The following RTBDN variants were observed in gnomAD, a reference collection of about 807,000 sequenced individuals.
RTBDN encodes the protein retbindin.
RTBDN carries 24 observed loss-of-function variants against 21.9 expected under a neutral mutation model. The observed-to-expected ratio is 1.10, with a 90% confidence interval of 0.79 to 1.54. The LOEUF (loss-of-function observed/expected upper bound fraction) is 1.54. RTBDN is among the 40% of genes most tolerant of loss of function. The pLI is 0.00. For synonymous variants in RTBDN, 141 were observed against 125.9 expected (o/e 1.12, Z -0.80); for missense variants, 325 against 315.2 (o/e 1.03, Z -0.23).
intron 2 of RTBDN, chr19:12,829,159 G>A: frequency 3.7e-6 from 3 of 810,774 alleles, no homozygotes; most frequent in Non-Finnish European, 5.6e-6. Flanking sequence ...TACTTGTCAT[G>A]TGCCTGGTAG....
At chr19:12,834,597 G>A, upstream of RTBDN, 1 of 1,515,912 alleles carries the variant, frequency 6.6e-7, no homozygotes. The surrounding 1 kb of genome is among the most constrained non-coding windows in gnomAD (Gnocchi z 4.7). Context: ...CCCCCACCGC[G>A]ATCCTCAAGT....
chr19:12,829,788 G>A (rs1599558297), intron 2 of RTBDN, 23 bp downstream of exon 2: 1 of 1,587,460 alleles, frequency 6.3e-7, no homozygotes. Context: ...TGTTGGTGGT[G>A]AGGCAGGGTC....
chr19:12,825,943 AGTG>A lies in RTBDN; in HGVS notation c.463-13_463-11del. The stretch of plus-strand genomic sequence containing the variant: ...TCCCGTCTGCGAAGGTCTAGGAAAA[AGTG>A]GAGTTAAGGCCCTAGTGGGCGGAGT... On this transcript the variant is annotated splice_polypyrimidine_tract_variant and intron_variant, in intron 5 of 5. Coordinates refer to ENST00000674343, the MANE Select transcript of RTBDN (RefSeq NM_001270441.2). The A allele has an allele frequency of 6.4e-7, 1 of 1,565,540 alleles. No individual in the cohort carries two copies. The highest frequency in any genetic ancestry group is 8.7e-7 in the Non-Finnish European group (1 of 1,152,240).
chr19:12,835,115 T>A, upstream of RTBDN: 1 of 1,612,776 alleles, frequency 6.2e-7, no homozygotes, highest in Non-Finnish European at 8.5e-7. Flanking sequence ...ACTCCCCTAA[T>A]CCATCATTCC....
rs148144447 is a variant in RTBDN, at chr19:12,826,859, G to C, written c.378C>G (p.Cys126Trp). The change falls in exon 5 of 6, where the codon TGC becomes TGG. Residue 126 changes from cysteine (C) to tryptophan (W), a missense_variant. Cys to Trp is a radical substitution (Grantham distance 215, BLOSUM62 -2). Coordinates refer to ENST00000674343, the MANE Select transcript of RTBDN (RefSeq NM_001270441.2). ...EELCQAWFAN[C>W]EDDITCGPTW... is the part of the protein sequence containing the mutation. The stretch of plus-strand genomic sequence containing the variant: ...TCGGGCCGCAGGTGATATCATCTTC[G>C]CAGTTGGCGAACCTGGAGATGGCGA... 5 of 1,551,420 alleles carry C rather than the reference G, an allele frequency of 3.2e-6. No individual in the cohort carries two copies. The East Asian group carries it at 9.8e-5, about 30-fold the overall frequency.
Position 12,834,018 on chromosome 19 carries a change from C to T in RTBDN, c.-19+471G>A. 2.5e-6 allele frequency: 1 copy of T among 398,564 alleles called. No individual in the cohort carries two copies. The allele number at this position is 398,564 out of a possible 1,614,324, so 24.7% of individuals were successfully genotyped here. On this transcript the variant is annotated intron_variant, in intron 1 of 5. Coordinates refer to ENST00000674343, the MANE Select transcript of RTBDN (RefSeq NM_001270441.2). This position sits in a 1 kb window ranked among gnomAD's most constrained non-coding sequence, Gnocchi z 4.7. ...GCCGGAGGCTGCAGGTACGCGGCTG[C>T]CTGGGCCCCGGGTGGAGAGGAAGGG...
At position 12,826,954 on chromosome 19, in the gene RTBDN, T is replaced by C. The variant is rs570862260; in HGVS notation, c.366-83A>G. 5 of 945,626 alleles carry C rather than the reference T, an allele frequency of 5.3e-6. No homozygotes were observed. The South Asian group carries it at 7.0e-5, about 13-fold the overall frequency. 58.6% of individuals were successfully genotyped at this position (945,626 alleles called of 1,614,324 possible). A position where few individuals can be genotyped will look rare whatever the true frequency, so the allele number is the denominator to read the frequency against. On this transcript the variant is annotated intron_variant, in intron 4 of 5. Transcript: ENST00000674343. The stretch of plus-strand genomic sequence containing the variant: ...TCTGGCTCTTCTAGACTGTGTTCAC[T>C]ATATGCCCCCACCTCGGATCCAGGC...
chr19:12,828,735 G>A lies in RTBDN; in HGVS notation c.287C>T (p.Ala96Val), dbSNP rs1969425738. Residue 96 changes from alanine to valine, a missense_variant, in exon 4 of 6, where the codon GCC (alanine) becomes GTC (valine). By Grantham distance (64) the Ala-to-Val change is moderately conservative. Transcript: ENST00000674343. ...CESFLEHLQR[A>V]LRSRFRLRLL... is the part of the protein sequence containing the mutation. Reference sequence around the variant, plus strand: ...CCGCAGGCGGAAGCGACTGCGAAGGGCACGTTGGAGGTGTTCCAGGAAGGA... The same window carrying A: ...CCGCAGGCGGAAGCGACTGCGAAGGACACGTTGGAGGTGTTCCAGGAAGGA... 3 of 1,614,252 alleles carry A rather than the reference G, an allele frequency of 1.9e-6. No individual in the cohort carries two copies. Among genetic ancestry groups the A allele is most frequent in the South Asian group, 1.1e-5 (1 of 91,092 alleles).
chr19:12,835,216 AC>A, upstream of RTBDN: 1 of 957,774 alleles, frequency 1.0e-6, no homozygotes, highest in East Asian at 2.4e-5. Context: ...CGTCTGGGTA[AC>A]GCCGGAGCCA....
rs1410531265 is a variant in RTBDN, at chr19:12,827,843, C to T, written c.365+814G>A. 3.3e-5 allele frequency among the ~76,000 whole-genome samples: 5 copies of T among 152,180 alleles called. No individual in the cohort carries two copies. In the East Asian group the frequency reaches 9.7e-4, roughly 29 times the overall value. Reference sequence around the variant, plus strand: ...GCATGGTGGCTCACCCCTGTAATCCCAGCACTTCGAGAGGCCAAGGCAGGC... The same window carrying T: ...GCATGGTGGCTCACCCCTGTAATCCTAGCACTTCGAGAGGCCAAGGCAGGC... On this transcript the variant is annotated intron_variant, in intron 4 of 5. Transcript: ENST00000674343.
rs780453616 is a variant in RTBDN at position 12,829,023 on chromosome 19, G to A, written c.170-70C>T. The A allele has an allele frequency of 1.9e-6, 3 of 1,597,640 alleles. No homozygotes were observed. The African/African-American group carries it at 4.0e-5, about 21-fold the overall frequency. ...TAAGGTTTGGGAACTGAGGCCTGGG[G>A]ATCCCCTGGACAGGGGAGACAACAA... On this transcript the variant is annotated intron_variant, in intron 2 of 5. Coordinates refer to ENST00000674343, the MANE Select transcript of RTBDN (RefSeq NM_001270441.2).
intron 1 of RTBDN, chr19:12,833,975 A>T (rs1029935651): frequency 5.0e-6 from 2 of 396,554 alleles, no homozygotes; most frequent in Admixed American, 8.9e-5. Context: ...GCCATGGACG[A>T]TTCGGGCCTC....
At position 12,826,824 on chromosome 19, in the gene RTBDN, G is replaced by A. The variant is rs751164836; in HGVS notation, c.413C>T (p.Pro138Leu). ...CTCACAGCCCCTTTTTTCTGAGAGT[G>A]GGAGCCAAGTCGGGCCGCAGGTGAT... Reference protein sequence around the residue: ...DDITCGPTWLPLSEKRGCEPS... With the variant: ...DDITCGPTWLLLSEKRGCEPS... The change falls in exon 5 of 6, where the codon CCA (proline) becomes CTA (leucine). Residue 138 changes from proline (P) to leucine (L), a missense_variant. Coordinates refer to ENST00000674343, the MANE Select transcript of RTBDN (RefSeq NM_001270441.2). The A allele has an allele frequency of 1.3e-6, 2 of 1,555,452 alleles. No homozygotes were observed. Among genetic ancestry groups the A allele is most frequent in the Non-Finnish European group, 1.7e-6 (2 of 1,149,918 alleles).
At chr19:12,833,849 AGCCGCCGCCGCC>A (rs941102978) in intron 1 of RTBDN, 2 of 172,046 alleles carry the variant, frequency 1.2e-5, no homozygotes, top group African/African-American at 3.1e-5. Flanking sequence ...CCCTCCCCTC[AGCCGCCGCCGCC>A]GCCGCCGCCG....
At position 12,825,799 on chromosome 19, in the gene RTBDN, C is replaced by G; in HGVS notation, c.597G>C (p.Arg199=). ...VPRPRPGRRG[R]EAPSRRSRSP... ...TGCGGGAACGCCGGGAGGGAGCTTC[C>G]CGGCCCCGTCGTCCTGGTCTGGGAC... is the stretch of plus-strand genomic sequence containing the variant. The change falls in exon 6 of 6, where the codon CGG becomes CGC. Residue 199 remains arginine, a synonymous_variant. Transcript: ENST00000674343. 1 of 1,611,422 alleles carries G rather than the reference C, an allele frequency of 6.2e-7. No homozygotes were observed. The highest frequency in any genetic ancestry group is 8.5e-7 in the Non-Finnish European group (1 of 1,178,398).
In RTBDN at chr19:12,828,851, G is replaced by A. The variant is rs1969434308; in HGVS notation, c.254+18C>T. 1 of 1,614,084 alleles carries A rather than the reference G, an allele frequency of 6.2e-7. No homozygotes were observed. The highest frequency in any genetic ancestry group is 8.5e-7 in the Non-Finnish European group (1 of 1,180,014). On this transcript the variant is annotated intron_variant, in intron 3 of 5. Coordinates refer to ENST00000674343, the MANE Select transcript of RTBDN (RefSeq NM_001270441.2). ...TGGGCAAAGTACGCGAGAAAACGGTGGAGGGTGCTGTACTCACTCAGGGCT... is the reference window on the plus strand; with the variant it reads ...TGGGCAAAGTACGCGAGAAAACGGTAGAGGGTGCTGTACTCACTCAGGGCT...
intron 1 of RTBDN, chr19:12,832,688 A>G (rs1193499874): frequency 6.6e-6 from 1 of 152,244 alleles, no homozygotes. Flanking sequence ...CGAGACGGCG[A>G]CACAAATGTG....
At chr19:12,828,098 A>G (rs1192518583) in intron 4 of RTBDN, among the ~76,000 whole-genome samples, 1 of 149,068 alleles carries the variant, frequency 6.7e-6, no homozygotes, top group African/African-American at 2.5e-5. Flanking sequence ...CATCTCAAAA[A>G]AAAAAAAAAG....
At position 12,828,662 on chromosome 19, in the gene RTBDN, C is replaced by A. The variant is rs2145852758; in HGVS notation, c.360G>T (p.Gln120His). The stretch of plus-strand genomic sequence containing the variant: ...CTTGCCCCCGCGTCTCCTACCAGGC[C>A]TGGCAGAGCTCCTCGCAGAGCGGCT... ...QAQPLCEELCQAWFANCEDDI... is the reference protein window; with the variant it reads ...QAQPLCEELCHAWFANCEDDI... Residue 120 changes from glutamine (Q) to histidine (H), a missense_variant, in exon 4 of 6, where the codon CAG becomes CAT. By Grantham distance (24) the Gln-to-His change is conservative. Coordinates refer to ENST00000674343, the MANE Select transcript of RTBDN (RefSeq NM_001270441.2). 1.2e-6 allele frequency: 2 copies of A among 1,612,984 alleles called. No individual in the cohort carries two copies. Among genetic ancestry groups the A allele is most frequent in the Middle Eastern group, 1.7e-4 (1 of 5,994 alleles).
Sources: allele counts gnomAD v4.1 joint callset (sites outside exome capture counted in the v4.1 genomes callset), GRCh38; gene constraint gnomAD v4.1.1; non-coding constraint Gnocchi (gnomAD v3.1); transcripts MANE v1.5; gene names NCBI Gene and HGNC (gene_info 2026-07-23, HGNC 2026-07-21).